TAF3: variants seen among roughly 807,000 people sequenced by gnomAD.
TAF3 encodes TATA-box binding protein associated factor 3.
TAF3 carries 7 observed loss-of-function variants against 80.6 expected under a neutral mutation model. The observed-to-expected ratio is 0.09, with a 90% confidence interval of 0.05 to 0.16. The LOEUF (loss-of-function observed/expected upper bound fraction) is 0.16. TAF3 is among the 10% of genes least tolerant of loss of function. TAF3 has a pLI of 1.00. For synonymous variants in TAF3, 444 were observed against 446.1 expected (o/e 1.00, Z 0.06); for missense variants, 921 against 1,140.2 (o/e 0.81, Z 2.77).
intron 4 of TAF3, among the ~76,000 whole-genome samples, chr10:7,982,462 G>C (rs1318098281): frequency 1.3e-5 from 2 of 152,110 alleles, no homozygotes; most frequent in Admixed American, 6.6e-5. Context: ...GCAGTGGTGT[G>C]ATCTCAGCTC....
chr10:7,914,361 T>C (rs1231701018), intron 2 of TAF3, among the ~76,000 whole-genome samples: 2 of 152,226 alleles, frequency 1.3e-5, no homozygotes, highest in Non-Finnish European at 2.9e-5. Flanking sequence ...TTGAAGCAGG[T>C]GTTTTCCCCC....
chr10:7,902,764 A>C (rs1837571554), intron 2 of TAF3, among the ~76,000 whole-genome samples: 1 of 152,146 alleles, frequency 6.6e-6, no homozygotes, highest in Non-Finnish European at 1.5e-5. Context: ...TTTAGCATTT[A>C]TTGATGATTC....
intron 2 of TAF3, among the ~76,000 whole-genome samples, chr10:7,923,310 G>A (rs1454451984): frequency 2.0e-5 from 3 of 151,872 alleles, no homozygotes; most frequent in Admixed American, 6.6e-5. Context: ...AAATTGCTTT[G>A]TTTCACATCT....
intron 2 of TAF3, among the ~76,000 whole-genome samples, chr10:7,867,230 G>A (rs1272344466): frequency 6.6e-6 from 1 of 151,952 alleles, no homozygotes; most frequent in African/African-American, 2.4e-5. Context: ...CTGCACTCCA[G>A]CCTGGGCAAC....
intron 2 of TAF3, among the ~76,000 whole-genome samples, chr10:7,834,586 T>C (rs536776986): frequency 6.6e-5 from 10 of 152,250 alleles, no homozygotes; most frequent in Non-Finnish European, 1.2e-4. Context: ...GTGGATAGGG[T>C]TCCTCCTGAG....
At chr10:7,834,155 T>C (rs1564343317) in intron 2 of TAF3, among the ~76,000 whole-genome samples, 1 of 152,250 alleles carries the variant, frequency 6.6e-6, no homozygotes, top group Admixed American at 6.5e-5. Flanking sequence ...CCACAGGTTG[T>C]GCCTTCACTC....
intron 2 of TAF3, among the ~76,000 whole-genome samples, chr10:7,826,486 G>A (rs1212093872): frequency 1.3e-5 from 2 of 152,078 alleles, no homozygotes; most frequent in African/African-American, 4.8e-5. Context: ...ACTTCTGGCT[G>A]AAATTACTAT....
chr10:7,823,457 C>T (rs926126729), intron 1 of TAF3, among the ~76,000 whole-genome samples: 2 of 151,236 alleles, frequency 1.3e-5, no homozygotes, highest in African/African-American at 4.9e-5. Flanking sequence ...ATAGCAAGAA[C>T]TCATCTCTAC....
chr10:7,977,559 G>T (rs372104531), intron 4 of TAF3, among the ~76,000 whole-genome samples: 22 of 151,662 alleles, frequency 1.5e-4, no homozygotes, highest in African/African-American at 5.3e-4. Context: ...CTTTTTTAAA[G>T]ACTAGCACCT....
intron 2 of TAF3, among the ~76,000 whole-genome samples, chr10:7,863,247 C>G (rs533766886): frequency 6.6e-6 from 1 of 152,170 alleles, no homozygotes; most frequent in South Asian, 2.1e-4. Flanking sequence ...GGGTTTTGTA[C>G]TGGGACTGCA....
intron 2 of TAF3, among the ~76,000 whole-genome samples, chr10:7,904,755 A>C (rs1022971313): frequency 6.6e-6 from 1 of 152,092 alleles, no homozygotes; most frequent in Non-Finnish European, 1.5e-5. Context: ...AATTTGGAAT[A>C]GTTACCAGCA....
chr10:7,849,263 TCAGA>T (rs1283343380), intron 2 of TAF3, among the ~76,000 whole-genome samples: 2 of 152,188 alleles, frequency 1.3e-5, no homozygotes, highest in South Asian at 4.1e-4. Flanking sequence ...GGATTTGAAT[TCAGA>T]CAGTCTGACT....
chr10:7,977,788 T>A (rs578220795), intron 4 of TAF3, among the ~76,000 whole-genome samples: 1 of 152,354 alleles, frequency 6.6e-6, no homozygotes, highest in East Asian at 1.9e-4. Flanking sequence ...TGCCAAAGGC[T>A]TGGAGAGACA....
intron 2 of TAF3, among the ~76,000 whole-genome samples, chr10:7,850,939 C>T (rs1194161776): frequency 2.0e-5 from 3 of 151,950 alleles, no homozygotes; most frequent in Non-Finnish European, 4.4e-5. Flanking sequence ...ATTTATTGTT[C>T]TCTGATTGTG....
chr10:7,936,528 A>G (rs968496240), intron 2 of TAF3, among the ~76,000 whole-genome samples: 1 of 150,316 alleles, frequency 6.7e-6, no homozygotes, highest in African/African-American at 2.4e-5. Flanking sequence ...AGACTTTATT[A>G]TTTAGAGCAG....
intron 2 of TAF3, among the ~76,000 whole-genome samples, chr10:7,856,875 A>G (rs1400590004): frequency 6.6e-6 from 1 of 151,930 alleles, no homozygotes; most frequent in Non-Finnish European, 1.5e-5. Context: ...AAAAAAAAAA[A>G]AAAAAGCAGA....
intron 2 of TAF3, among the ~76,000 whole-genome samples, chr10:7,837,513 C>T (rs1244079309): frequency 1.3e-5 from 2 of 151,590 alleles, no homozygotes; most frequent in African/African-American, 4.9e-5. Context: ...CGTGGTGGTG[C>T]GTGCCTGTAA....
chr10:7,926,855 C>T (rs528663171), intron 2 of TAF3, among the ~76,000 whole-genome samples: 3 of 152,052 alleles, frequency 2.0e-5, no homozygotes, highest in Non-Finnish European at 2.9e-5. Flanking sequence ...TTTACTTTAT[C>T]GTAACAACTT....
intron 3 of TAF3, among the ~76,000 whole-genome samples, chr10:7,968,105 T>A (rs1831589973): frequency 6.6e-6 from 1 of 152,106 alleles, no homozygotes; most frequent in Non-Finnish European, 1.5e-5. Context: ...TTCCTACAAA[T>A]CTACAGAAGT....
Sources: gnomAD v4.1 joint callset for allele counts (sites outside exome capture counted in the v4.1 genomes callset) on GRCh38, gnomAD v4.1.1 for gene constraint, MANE v1.5 for transcripts, NCBI Gene and HGNC (gene_info 2026-07-23, HGNC 2026-07-21) for gene names.